Variants in SPESP1 observed in about 807,000 individuals in gnomAD.
SPESP1 encodes equatorial segment protein.
Under a neutral mutation model 3.1 loss-of-function variants are expected in SPESP1, and 1 was observed. The observed-to-expected ratio is 0.33, with a 90% CI of 0.12 to 1.54. The LOEUF (loss-of-function observed/expected upper bound fraction) is 1.54. Among genes scored for constraint, SPESP1 ranks in the 40% most tolerant of loss-of-function variants. The pLI is 0.38. For synonymous variants in SPESP1, 138 were observed against 150.7 expected, an observed-to-expected ratio of 0.92 and a Z score of 0.62; for missense variants, 398 against 410.1, an observed-to-expected ratio of 0.97 and a Z score of 0.26.
intron 1 of SPESP1, among the ~76,000 whole-genome samples, chr15:68,940,689 T>A (rs1895798002): frequency 6.6e-6 from 1 of 152,022 alleles, no homozygotes; most frequent in Non-Finnish European, 1.5e-5. Context: ...ATATTTCCCT[T>A]ATTGTCCTAT....
chr15:68,941,538 A>G (rs1303946625), intron 1 of SPESP1, among the ~76,000 whole-genome samples: 1 of 152,078 alleles, frequency 6.6e-6, no homozygotes, highest in South Asian at 2.1e-4. Context: ...GGCTGCCTAC[A>G]TTCCATGACT....
chr15:68,942,774 T>C (rs1895860433), intron 1 of SPESP1, among the ~76,000 whole-genome samples: 1 of 152,174 alleles, frequency 6.6e-6, no homozygotes, highest in African/African-American at 2.4e-5. Context: ...GTTAAGTGAA[T>C]ATCCAGATAA....
intron 1 of SPESP1, among the ~76,000 whole-genome samples, chr15:68,932,639 G>C (rs960303499): frequency 1.3e-5 from 2 of 152,088 alleles, no homozygotes; most frequent in Non-Finnish European, 2.9e-5. Flanking sequence ...TGATCCATCC[G>C]CCTCGGCCTT....
intron 1 of SPESP1, among the ~76,000 whole-genome samples, chr15:68,936,789 G>T (rs1567062886): frequency 6.6e-6 from 1 of 152,080 alleles, no homozygotes; most frequent in Non-Finnish European, 1.5e-5. Context: ...TCAATGAAAG[G>T]TAATTAGTAG....
At position 68,946,477 on chromosome 15, in the gene SPESP1, G is replaced by C. The variant is rs759456907; in HGVS notation, c.943G>C (p.Asp315His). Residue 315 changes from aspartate to histidine, a missense_variant, in exon 2 of 2, where the codon GAT becomes CAT. By Grantham distance (81) the Asp-to-His change is moderately conservative (BLOSUM62 -1). Transcript: ENST00000310673. The stretch of plus-strand genomic sequence containing the variant: ...TAGATCTAAACTCTATGAATATTTA[G>C]ATATTAAATGTGTTCCACCAGAGAT... ...NSRSKLYEYLDIKCVPPEMRE... is the reference protein window; with the variant it reads ...NSRSKLYEYLHIKCVPPEMRE... The C allele has an allele frequency of 6.2e-7, 1 of 1,613,418 alleles. No homozygotes were observed. Among genetic ancestry groups the C allele is most frequent in the Admixed American group, 1.7e-5 (1 of 59,952 alleles).
At chr15:68,936,650 T>G (rs1438620097) in intron 1 of SPESP1, among the ~76,000 whole-genome samples, 5 of 152,180 alleles carry the variant, frequency 3.3e-5, no homozygotes, top group African/African-American at 1.2e-4. Flanking sequence ...CTGGACATAC[T>G]GAAAACCATT....
At chr15:68,939,400 C>T (rs1194079742) in intron 1 of SPESP1, among the ~76,000 whole-genome samples, 1 of 152,202 alleles carries the variant, frequency 6.6e-6, no homozygotes, top group Non-Finnish European at 1.5e-5. Flanking sequence ...CTTTCTAGCA[C>T]CTCCTGAAGA....
In SPESP1 at chr15:68,934,560, G is replaced by C. The variant is rs189655865; in HGVS notation, c.64+3843G>C. Among the ~76,000 whole-genome samples the C allele has an allele frequency of 1.7e-4, 26 of 152,268 alleles. No individual in the cohort carries two copies. The East Asian group carries it at 2.9e-3, about 17-fold the overall frequency. On this transcript the variant is annotated intron_variant, in intron 1 of 1. Transcript: ENST00000310673. The stretch of plus-strand genomic sequence containing the variant: ...CATCCAATAGGCAAGTGTCAAGAGA[G>C]TATTCTGTGGGGGAGTAGCAGGAAG...
At chr15:68,941,671 C>T (rs1220618446) in intron 1 of SPESP1, among the ~76,000 whole-genome samples, 2 of 152,136 alleles carry the variant, frequency 1.3e-5, no homozygotes, top group Non-Finnish European at 2.9e-5. Context: ...TTAGAGTCCA[C>T]CCAGGTAATC....
intron 1 of SPESP1, 91 bp downstream of exon 1, chr15:68,930,808 C>T (rs893809903): frequency 6.3e-6 from 10 of 1,591,818 alleles, no homozygotes; most frequent in East Asian, 2.3e-5. Flanking sequence ...CCTTCCTTCT[C>T]CCTGGTCCTA....
chr15:68,940,713 A>G (rs575361361), intron 1 of SPESP1, among the ~76,000 whole-genome samples: 1 of 144,924 alleles, frequency 6.9e-6, no homozygotes, highest in African/African-American at 2.5e-5. Context: ...TTTTCTGTAT[A>G]TTGTTAGTTA....
chr15:68,933,017 T>G (rs1895590243), intron 1 of SPESP1, among the ~76,000 whole-genome samples: 2 of 132,984 alleles, frequency 1.5e-5, no homozygotes, highest in South Asian at 5.0e-4. Flanking sequence ...GCGTATATCA[T>G]TGAGCTTGAT....
intron 1 of SPESP1, among the ~76,000 whole-genome samples, chr15:68,936,878 G>T (rs1895695173): frequency 6.6e-6 from 1 of 152,102 alleles, no homozygotes; most frequent in African/African-American, 2.4e-5. Flanking sequence ...GGCTCTCTGA[G>T]AAATGGAGCT....
At chr15:68,944,597 T>A (rs1470815874) in intron 1 of SPESP1, among the ~76,000 whole-genome samples, 4 of 152,110 alleles carry the variant, frequency 2.6e-5, no homozygotes, top group Non-Finnish European at 4.4e-5. Context: ...ACCATTTTGT[T>A]GTTAAGAGTG....
intron 1 of SPESP1, among the ~76,000 whole-genome samples, chr15:68,934,367 G>T (rs1007449417): frequency 2.6e-5 from 4 of 152,184 alleles, no homozygotes; most frequent in East Asian, 1.9e-4. Context: ...AAGAGGAAAA[G>T]AATATTCTTT....
Position 68,934,120 on chromosome 15 carries a change from C to T in SPESP1, c.64+3403C>T, listed in dbSNP as rs183236344. Among the ~76,000 whole-genome samples, 49 of 151,900 alleles carry T rather than the reference C, an allele frequency of 3.2e-4. 2 individuals carry two copies. Among genetic ancestry groups the T allele is most frequent in the African/African-American group, 1.1e-3 (46 of 41,434 alleles). Reference sequence around the variant, plus strand: ...TTAAAATATTAATTTTGGGGTATCTCCCAAATAAATTATTTCCTCTAGATC... The same window carrying T: ...TTAAAATATTAATTTTGGGGTATCTTCCAAATAAATTATTTCCTCTAGATC... On this transcript the variant is annotated intron_variant, in intron 1 of 1. Coordinates refer to ENST00000310673, the MANE Select transcript of SPESP1 (RefSeq NM_145658.4).
In SPESP1 at chr15:68,945,664, G is replaced by C. The variant is rs1895939442; in HGVS notation, c.130G>C (p.Val44Leu). ...NHYIQVLENL[V>L]RSVPSGEPGR... ...TTATATACAAGTTTTAGAGAACCTAGTACGAAGTGTTCCCTCTGGGGAGCC... is the reference window on the plus strand; with the variant it reads ...TTATATACAAGTTTTAGAGAACCTACTACGAAGTGTTCCCTCTGGGGAGCC... Residue 44 changes from valine (V) to leucine (L), a missense_variant, in exon 2 of 2, where the codon GTA becomes CTA. Val to Leu is a conservative substitution (Grantham distance 32). Transcript: ENST00000310673. 1 of 1,612,774 alleles carries C rather than the reference G, an allele frequency of 6.2e-7. No homozygotes were observed. Among genetic ancestry groups the C allele is most frequent in the Non-Finnish European group, 8.5e-7 (1 of 1,179,642 alleles).
Position 68,946,035 on chromosome 15 carries a change from A to C in SPESP1, c.501A>C (p.Glu167Asp), listed in dbSNP as rs1294894792. The stretch of plus-strand genomic sequence containing the variant: ...CAAGAATGTTGCCAGTTGTTACTGA[A>C]TCATCTACAAGTCCATATGTTACCT... Reference protein sequence around the residue: ...EAPRMLPVVTESSTSPYVTSY... With the variant: ...EAPRMLPVVTDSSTSPYVTSY... The change falls in exon 2 of 2, where the codon GAA becomes GAC. Residue 167 changes from glutamate (E) to aspartate (D), a missense_variant. Coordinates refer to ENST00000310673, the MANE Select transcript of SPESP1 (RefSeq NM_145658.4). 12 of 1,614,070 alleles carry C rather than the reference A, an allele frequency of 7.4e-6. No individual in the cohort carries two copies. The highest frequency in any genetic ancestry group is 1.0e-5 in the Non-Finnish European group (12 of 1,180,028).
Position 68,946,438 on chromosome 15 carries a change from A to G in SPESP1, c.904A>G (p.Met302Val). The change falls in exon 2 of 2, where the codon ATG becomes GTG. Residue 302 changes from methionine (M) to valine (V), a missense_variant. By Grantham distance (21) the Met-to-Val change is conservative. Coordinates refer to ENST00000310673, the MANE Select transcript of SPESP1 (RefSeq NM_145658.4). ...TGATGACATCGAAACTGTTATTAAC[A>G]TGCTGTGTAATTCTAGATCTAAACT... ...KIDDIETVIN[M>V]LCNSRSKLYE... is the part of the protein sequence containing the mutation. 6.2e-7 allele frequency: 1 copy of G among 1,613,148 alleles called. No homozygotes were observed. The highest frequency in any genetic ancestry group is 8.5e-7 in the Non-Finnish European group (1 of 1,180,010).
Sources: gnomAD v4.1 joint callset for allele counts (sites outside exome capture counted in the v4.1 genomes callset) on GRCh38, gnomAD v4.1.1 for gene constraint, MANE v1.5 for transcripts, NCBI Gene and HGNC (gene_info 2026-07-23, HGNC 2026-07-21) for gene names.